Variants in PKLR observed in about 807,000 individuals in gnomAD.
The protein encoded by PKLR is pyruvate kinase PKLR.
PKLR carries 38 observed loss-of-function variants against 53.6 expected under a neutral mutation model. That is an observed-to-expected ratio of 0.71 (90% CI 0.55 to 0.93). The LOEUF (loss-of-function observed/expected upper bound fraction) is 0.93. Among genes scored for constraint, PKLR ranks in the 40% least tolerant of loss-of-function variants. PKLR has a pLI of 0.00. For missense variants in PKLR, 702 were observed against 787.3 expected (o/e 0.89, Z 1.30); for synonymous variants, 328 against 316.2 (o/e 1.04, Z -0.39).
rs1193894766 is a variant in PKLR, at chr1:155,294,722, T to G, written c.725A>C (p.Asn242Thr). ...GPEGLVTQVE[N>T]GGVLGSRKGV... is the part of the protein sequence containing the mutation. Reference sequence around the variant, plus strand: ...CTTCCGGCTGCCCAGGACGCCGCCGTTCTCCACTTGGGTCACCAGTCCCTC... The same window carrying G: ...CTTCCGGCTGCCCAGGACGCCGCCGGTCTCCACTTGGGTCACCAGTCCCTC... Residue 242 changes from asparagine (N) to threonine (T), a missense_variant, in exon 6 of 11, where the codon AAC (asparagine) becomes ACC (threonine). Physicochemically the swap from Asn to Thr is moderately conservative, Grantham distance 65. This residue lies in a region of PKLR where 519 missense variants were observed against 537.1 expected (regional missense o/e 0.97). Transcript: ENST00000342741. 1.9e-6 allele frequency: 3 copies of G among 1,613,918 alleles called. No individual in the cohort carries two copies. The highest frequency in any genetic ancestry group is 2.5e-6 in the Non-Finnish European group (3 of 1,180,006).
At chr1:155,299,167 CTCTTTCTTTCTTTCTTTCCT>C (rs1185007127) in intron 2 of PKLR, among the ~76,000 whole-genome samples, 10 of 138,626 alleles carry the variant, frequency 7.2e-5, no homozygotes, top group Non-Finnish European at 9.3e-5. Context: ...CTTTCTCTCT[CTCTTTCTTTCTTTCTTTCCT>C]TCTTTCTTTC....
intron 2 of PKLR, among the ~76,000 whole-genome samples, chr1:155,299,186 CTTCT>C (rs973349525): frequency 3.1e-5 from 4 of 128,366 alleles, no homozygotes; most frequent in Admixed American, 8.6e-5. Flanking sequence ...TCTTTCTTTC[CTTCT>C]TTCTTTCTTT....
At chr1:155,294,875 C>A in intron 5 of PKLR, 123 bp from the exon 6 acceptor site, 1 of 1,308,320 alleles carries the variant, frequency 7.6e-7, no homozygotes, top group African/African-American at 1.5e-5. Context: ...TCTCTCCGCC[C>A]TTGTTCTGGG....
In PKLR at chr1:155,295,846, CG is replaced by C; in HGVS notation, c.284-91del. ...CCATTACCATTCTCAGAACGCCTCA[CG>C]CCACAGGCGTCCTGTTACCTGATCT... On this transcript the variant is annotated intron_variant, in intron 2 of 10. Transcript: ENST00000342741. This position sits in a 1 kb window ranked among gnomAD's most constrained non-coding sequence, Gnocchi z 4.3. 1 of 1,054,872 alleles carries C rather than the reference CG, an allele frequency of 9.5e-7. No homozygotes were observed. The highest frequency in any genetic ancestry group is 1.6e-5 in the African/African-American group (1 of 64,326). The allele number at this position is 1,054,872 out of a possible 1,614,324, so 65.3% of individuals were successfully genotyped here. A position where few individuals can be genotyped will look rare whatever the true frequency, so the allele number is the denominator to read the frequency against.
chr1:155,292,529 C>T (rs928104975), intron 9 of PKLR, among the ~76,000 whole-genome samples: 5 of 152,164 alleles, frequency 3.3e-5, no homozygotes, highest in South Asian at 2.1e-4. Flanking sequence ...CCCAGCTACT[C>T]GGAAGGCTGA....
chr1:155,301,009 C>T, intron 1 of PKLR: 2 of 1,552,260 alleles, frequency 1.3e-6, no homozygotes, highest in Non-Finnish European at 1.7e-6. Context: ...AGTGTCACCA[C>T]TGTCTCCTGT....
rs966022082 is a variant in PKLR at position 155,293,868 on chromosome 1, C to G, written c.1117-278G>C. Among the ~76,000 whole-genome samples, 11 of 152,146 alleles carry G rather than the reference C, an allele frequency of 7.2e-5. No homozygotes were observed. Among genetic ancestry groups the G allele is most frequent in the Non-Finnish European group, 1.3e-4 (9 of 68,022 alleles). On this transcript the variant is annotated intron_variant, in intron 7 of 10. Coordinates refer to ENST00000342741, the MANE Select transcript of PKLR (RefSeq NM_000298.6). This position sits in a 1 kb window ranked among gnomAD's most constrained non-coding sequence, Gnocchi z 4.2. ...ACAGTGTGGGCTGGGTGCAGTGGCT[C>G]ACACCTGTAATCCCAGCACTTTGGG...
chr1:155,289,530 C>T lies in PKLR; in HGVS notation c.*1042G>A, dbSNP rs761217490. 6.6e-6 allele frequency: 1 copy of T among 152,322 alleles called. No individual in the cohort carries two copies. The highest frequency in any genetic ancestry group is 1.9e-4 in the East Asian group (1 of 5,278). The allele number at this position is 152,322 out of a possible 1,614,324, so 9.4% of individuals were successfully genotyped here. A position where few individuals can be genotyped will look rare whatever the true frequency, so the allele number is the denominator to read the frequency against. On this transcript the variant is annotated 3_prime_UTR_variant, in exon 11 of 11. Transcript: ENST00000342741. ...AGCCACATGAGAGAGGGAGAAGGAC[C>T]GCGTTTACCTTTAGAGTTTTGTTTT... is the stretch of plus-strand genomic sequence containing the variant.
In PKLR at chr1:155,295,904, C is replaced by G; in HGVS notation, c.284-148G>C. The G allele has an allele frequency of 1.4e-6, 1 of 728,728 alleles. No individual in the cohort carries two copies. The allele number at this position is 728,728 out of a possible 1,614,324, so 45.1% of individuals were successfully genotyped here. ...CCTGATGCAACCCCTGCCCACAGAT[C>G]ACAGACTCCCCTTCCCTCTCAAGCC... On this transcript the variant is annotated intron_variant, in intron 2 of 10. Coordinates refer to ENST00000342741, the MANE Select transcript of PKLR (RefSeq NM_000298.6). This position sits in a 1 kb window ranked among gnomAD's most constrained non-coding sequence, Gnocchi z 4.3.
At chr1:155,301,610 A>G (rs188069565), upstream of PKLR, among the ~76,000 whole-genome samples, 155 of 151,996 alleles carry the variant, frequency 1.0e-3, 1 homozygote, top group African/African-American at 3.6e-3. Context: ...TTTTCAATCC[A>G]TTCATACTAT....
rs565903017 is a variant in PKLR at position 155,298,955 on chromosome 1, T to A, written c.283+1143A>T. On this transcript the variant is annotated intron_variant, in intron 2 of 10. Coordinates refer to ENST00000342741, the MANE Select transcript of PKLR (RefSeq NM_000298.6). ...ACCATGCCCGGCCAACTTTCACTCC[T>A]TTCTTTCTTTCTTTCTTTCTTTCTT... Among the ~76,000 whole-genome samples the A allele has an allele frequency of 7.4e-3, 163 of 21,892 alleles. 2 individuals are homozygous for A. The highest frequency in any genetic ancestry group is 0.043 in the African/African-American group (155 of 3,564). 14.4% of individuals were successfully genotyped at this position (21,892 alleles called of 152,430 possible). A position where few individuals can be genotyped will look rare whatever the true frequency, so the allele number is the denominator to read the frequency against.
chr1:155,298,992 TTCTTTC>T (rs1647784386), intron 2 of PKLR, among the ~76,000 whole-genome samples: 2 of 95,596 alleles, frequency 2.1e-5, no homozygotes, highest in Non-Finnish European at 3.9e-5. Context: ...CTTTCTTTCT[TTCTTTC>T]TTTCTTTCTT....
chr1:155,299,298 C>T (rs1423102857), intron 2 of PKLR, among the ~76,000 whole-genome samples: 1 of 151,206 alleles, frequency 6.6e-6, no homozygotes, highest in Non-Finnish European at 1.5e-5. Context: ...TTAAGTGATC[C>T]TCCCACCTCA....
chr1:155,302,362 G>C (rs1195402932), upstream of PKLR, among the ~76,000 whole-genome samples: 3 of 150,806 alleles, frequency 2.0e-5, no homozygotes, highest in African/African-American at 7.3e-5. Flanking sequence ...TCAGCCTCCT[G>C]AGTAGCTGGG....
rs1239024615 is a variant in PKLR at position 155,290,192 on chromosome 1, C to T, written c.*380G>A. The T allele has an allele frequency of 3.5e-6, 1 of 288,216 alleles. No individual in the cohort carries two copies. Among genetic ancestry groups the T allele is most frequent in the Non-Finnish European group, 6.7e-6 (1 of 148,366 alleles). 17.9% of individuals were successfully genotyped at this position (288,216 alleles called of 1,614,324 possible). A position where few individuals can be genotyped will look rare whatever the true frequency, so the allele number is the denominator to read the frequency against. On this transcript the variant is annotated 3_prime_UTR_variant, in exon 11 of 11. Coordinates refer to ENST00000342741, the MANE Select transcript of PKLR (RefSeq NM_000298.6). ...GAGACTGTGGACAAGATTGCCCTGT[C>T]TCCCCTCTCCCCCACCCCAAGGGAT...
chr1:155,300,423 T>G (rs764507914), intron 1 of PKLR, 143 bp from the exon 2 acceptor site: 9 of 680,738 alleles, frequency 1.3e-5, no homozygotes, highest in Non-Finnish European at 2.3e-5. Context: ...AAGGATCCTA[T>G]AAAGCAGGTA....
At chr1:155,303,492 T>C (rs1648143023), upstream of PKLR, among the ~76,000 whole-genome samples, 1 of 152,184 alleles carries the variant, frequency 6.6e-6, no homozygotes, top group Non-Finnish European at 1.5e-5. Context: ...TACAGTATAG[T>C]GGGGAGACAG....
At position 155,293,142 on chromosome 1, in the gene PKLR, A is replaced by G; in HGVS notation, c.1436+35T>C. ...CCCGTCCCAGCCCACCCCTGACCCA[A>G]AGCTCCATCTGGACATTCCCAATAT... is the stretch of plus-strand genomic sequence containing the variant. On this transcript the variant is annotated intron_variant, in intron 9 of 10. Transcript: ENST00000342741. The surrounding 1 kb of genome is among the most constrained non-coding windows in gnomAD (Gnocchi z 4.2). The G allele has an allele frequency of 6.2e-7, 1 of 1,610,636 alleles. No homozygotes were observed. Among genetic ancestry groups the G allele is most frequent in the Non-Finnish European group, 8.5e-7 (1 of 1,177,082 alleles).
In PKLR at chr1:155,295,637, A is replaced by C; in HGVS notation, c.375+28T>G. ...GGACCTCGAGGCATCCTCCTGCCCC[A>C]CCCACTGCCCGGCGGCCCGTCCCGC... On this transcript the variant is annotated intron_variant, in intron 3 of 10. Coordinates refer to ENST00000342741, the MANE Select transcript of PKLR (RefSeq NM_000298.6). The surrounding 1 kb of genome is among the most constrained non-coding windows in gnomAD (Gnocchi z 4.3). 1 of 1,613,806 alleles carries C rather than the reference A, an allele frequency of 6.2e-7. No individual in the cohort carries two copies. The highest frequency in any genetic ancestry group is 1.7e-4 in the Middle Eastern group (1 of 6,060).
Sources: gnomAD v4.1 joint callset for allele counts (sites outside exome capture counted in the v4.1 genomes callset) on GRCh38, gnomAD v4.1.1 for gene constraint, gnomAD v4.1.1 regional missense constraint, Gnocchi (gnomAD v3.1) non-coding constraint, MANE v1.5 for transcripts, NCBI Gene and HGNC (gene_info 2026-07-23, HGNC 2026-07-21) for gene names.